ABCB5: variants seen among roughly 807,000 people sequenced by gnomAD.
The protein encoded by ABCB5 is ATP binding cassette subfamily B member 5.
A neutral mutation model predicts 144.2 loss-of-function variants in ABCB5; 155 were observed. The observed-to-expected ratio is 1.08, with a 90% confidence interval of 0.94 to 1.23. ABCB5 has a LOEUF of 1.23. Ranked by LOEUF, ABCB5 falls within the 50% of genes most tolerant of loss-of-function variation. ABCB5 has a pLI of 0.00. For synonymous variants in ABCB5, 610 were observed against 528.6 expected, an observed-to-expected ratio of 1.15 and a Z score of -2.11; for missense variants, 1,830 against 1,520.8, an observed-to-expected ratio of 1.20 and a Z score of -3.38.
At chr7:20,712,032 G>T (rs1218543633) in intron 20 of ABCB5, among the ~76,000 whole-genome samples, 1 of 144,290 alleles carries the variant, frequency 6.9e-6, no homozygotes, top group African/African-American at 2.6e-5. Flanking sequence ...GAGGTCAGGA[G>T]ATTGAAACCA....
At chr7:20,674,901 A>T (rs754531364) in intron 14 of ABCB5, among the ~76,000 whole-genome samples, 15 of 151,918 alleles carry the variant, frequency 9.9e-5, no homozygotes, top group Non-Finnish European at 1.8e-4. Flanking sequence ...AAAACATCCC[A>T]TTTGCAACAG....
At chr7:20,668,978 G>A in intron 14 of ABCB5, among the ~76,000 whole-genome samples, 1 of 116,966 alleles carries the variant, frequency 8.5e-6, no homozygotes, top group East Asian at 3.6e-4. Flanking sequence ...GGGAGGTGGG[G>A]GGGTCAGCCC....
At chr7:20,729,992 C>T (rs1345317995) in intron 23 of ABCB5, among the ~76,000 whole-genome samples, 1 of 152,152 alleles carries the variant, frequency 6.6e-6, no homozygotes, top group Admixed American at 6.5e-5. Context: ...TTCAGAATAA[C>T]TTGGAATAAT....
intron 20 of ABCB5, among the ~76,000 whole-genome samples, chr7:20,708,728 T>C (rs1786909496): frequency 6.6e-6 from 1 of 152,150 alleles, no homozygotes; most frequent in African/African-American, 2.4e-5. Context: ...ATAAAATATA[T>C]GCTGACAAAT....
intron 20 of ABCB5, among the ~76,000 whole-genome samples, chr7:20,711,804 C>CTT (rs1176415649): frequency 4.4e-5 from 2 of 45,222 alleles, no homozygotes; most frequent in African/African-American, 2.0e-4. Flanking sequence ...TTCTTTCTTT[C>CTT]TTTCTTTCTT....
In ABCB5 at chr7:20,713,861, T is replaced by A. The variant is rs899252783; in HGVS notation, c.2421+9054T>A. 1.1e-4 allele frequency among the ~76,000 whole-genome samples: 16 copies of A among 150,670 alleles called. 2 individuals carry two copies. The highest frequency in any genetic ancestry group is 3.9e-4 in the African/African-American group (16 of 40,924). On this transcript the variant is annotated intron_variant, in intron 20 of 27. Coordinates refer to ENST00000404938, the MANE Select transcript of ABCB5 (RefSeq NM_001163941.2). The stretch of plus-strand genomic sequence containing the variant: ...ACTCAAGAAGGACCCTCTGCAGATA[T>A]CTCGATTTATCATTCTGTGAATCTC...
At chr7:20,679,243 G>A (rs913407902) in intron 14 of ABCB5, among the ~76,000 whole-genome samples, 4 of 152,022 alleles carry the variant, frequency 2.6e-5, no homozygotes, top group African/African-American at 9.7e-5. Flanking sequence ...TGAGGTGGGT[G>A]GATCACCTGA....
At chr7:20,667,602 G>A (rs1785241503) in intron 14 of ABCB5, 1 of 926,748 alleles carries the variant, frequency 1.1e-6, no homozygotes, top group Admixed American at 6.2e-5. Context: ...TGAGCTAATG[G>A]GTCACATCAC....
intron 23 of ABCB5, among the ~76,000 whole-genome samples, chr7:20,738,735 G>A (rs1477544142): frequency 5.9e-5 from 9 of 152,142 alleles, no homozygotes; most frequent in African/African-American, 2.2e-4. Context: ...TTGATCTGTG[G>A]CTCTAATTGG....
At chr7:20,728,554 G>A (rs1018391213) in intron 23 of ABCB5, 99 bp downstream of exon 23, 1 of 1,351,870 alleles carries the variant, frequency 7.4e-7, no homozygotes, top group African/African-American at 1.5e-5. Flanking sequence ...AGGAGTTTGA[G>A]ATCAGCCTGA....
At chr7:20,636,058 C>T (rs1583382611) in intron 5 of ABCB5, among the ~76,000 whole-genome samples, 1 of 152,120 alleles carries the variant, frequency 6.6e-6, no homozygotes, top group African/African-American at 2.4e-5. Context: ...ATGGAAAGTT[C>T]TATTGGATAG....
At chr7:20,706,241 A>G (rs1310990333) in intron 20 of ABCB5, among the ~76,000 whole-genome samples, 1 of 152,136 alleles carries the variant, frequency 6.6e-6, no homozygotes, top group Non-Finnish European at 1.5e-5. Context: ...AATCCCTATA[A>G]TTCCATTTGA....
intron 23 of ABCB5, among the ~76,000 whole-genome samples, chr7:20,736,725 G>A (rs1782389923): frequency 6.6e-6 from 1 of 152,156 alleles, no homozygotes; most frequent in African/African-American, 2.4e-5. Flanking sequence ...TACAGCACGG[G>A]TTATTCTACA....
chr7:20,652,199 A>G (rs1404475921), intron 13 of ABCB5, among the ~76,000 whole-genome samples: 1 of 152,242 alleles, frequency 6.6e-6, no homozygotes, highest in Non-Finnish European at 1.5e-5. Context: ...CACAATGTTC[A>G]GATTGGTTCT....
In ABCB5 at chr7:20,720,180, T is replaced by C. The variant is rs111403565; in HGVS notation, c.2422-2836T>C. Among the ~76,000 whole-genome samples, 6 of 152,266 alleles carry C rather than the reference T, an allele frequency of 3.9e-5. 1 individual carries two copies. Among genetic ancestry groups the C allele is most frequent in the African/African-American group, 1.4e-4 (6 of 41,498 alleles). On this transcript the variant is annotated intron_variant, in intron 20 of 27. Transcript: ENST00000404938. ...ACATATTCCAAAACTGATAGGTATA[T>C]GTCAAAGGACAAAGCCAACGTGAAG...
intron 20 of ABCB5, among the ~76,000 whole-genome samples, chr7:20,717,247 G>T (rs1025869182): frequency 2.0e-5 from 3 of 152,032 alleles, no homozygotes; most frequent in African/African-American, 7.3e-5. Context: ...CCATAACAAA[G>T]GACCACAGAC....
chr7:20,726,915 G>T (rs1583454428), intron 21 of ABCB5, 125 bp from the exon 22 acceptor site: 2 of 505,312 alleles, frequency 4.0e-6, no homozygotes, highest in East Asian at 6.7e-5. Flanking sequence ...AAGAATATTT[G>T]TCAGGAAAAC....
At chr7:20,681,044 CTT>C (rs1344927265) in intron 14 of ABCB5, among the ~76,000 whole-genome samples, 13 of 5,634 alleles carry the variant, frequency 2.3e-3, no homozygotes, top group Admixed American at 6.1e-3. Flanking sequence ...CTCTTTCTTT[CTT>C]TCTCTCTCTC....
At chr7:20,634,303 G>A (rs1040488497) in intron 5 of ABCB5, among the ~76,000 whole-genome samples, 1 of 149,912 alleles carries the variant, frequency 6.7e-6, no homozygotes, top group Admixed American at 6.7e-5. Flanking sequence ...ATTCACTGAT[G>A]AACACTTAGG....
Sources: allele counts gnomAD v4.1 joint callset (sites outside exome capture counted in the v4.1 genomes callset), GRCh38; gene constraint gnomAD v4.1.1; transcripts MANE v1.5; gene names NCBI Gene and HGNC (gene_info 2026-07-23, HGNC 2026-07-21).